Variants in PTPRN2 observed in about 807,000 individuals in gnomAD.
PTPRN2 encodes receptor-type tyrosine-protein phosphatase N2.
A neutral mutation model predicts 118.8 loss-of-function variants in PTPRN2; 74 were observed. The ratio of observed to expected loss-of-function variants is 0.62; its 90% CI spans 0.52 to 0.76. The LOEUF is 0.76. PTPRN2 is among the 30% of genes least tolerant of loss of function. The probability of loss-of-function intolerance (pLI) is 0.00; values close to 1 mark genes in which losing one functional copy is unlikely to be tolerated. For missense variants in PTPRN2, 1,481 were observed against 1,394.4 expected, an observed-to-expected ratio of 1.06 and a Z score of -0.99; for synonymous variants, 641 against 608.0, an observed-to-expected ratio of 1.05 and a Z score of -0.80.
rs759075673 is a variant in PTPRN2 at position 157,785,122 on chromosome 7, C to T, written c.1789-102185G>A. Among the ~76,000 whole-genome samples the T allele has an allele frequency of 1.2e-4, 19 of 152,028 alleles. No homozygotes were observed. Among genetic ancestry groups the T allele is most frequent in the African/African-American group, 3.6e-4 (15 of 41,406 alleles). On this transcript the variant is annotated intron_variant, in intron 12 of 22. Transcript: ENST00000389418. This position sits in a 1 kb window ranked among gnomAD's most constrained non-coding sequence, Gnocchi z 7.3. ...GTGTGTTTCCAGAATGTTGGCACAG[C>T]GGCGAGAAGGCTGACCGAACACCGA...
At chr7:157,737,658 G>A (rs981906731) in intron 12 of PTPRN2, among the ~76,000 whole-genome samples, 7 of 152,350 alleles carry the variant, frequency 4.6e-5, no homozygotes, top group African/African-American at 1.7e-4. Context: ...TACAGGGAGG[G>A]GTTTGCTTTC....
intron 2 of PTPRN2, among the ~76,000 whole-genome samples, chr7:158,457,044 A>T (rs115262413): frequency 0.019 from 2,870 of 151,588 alleles, 84 homozygotes; most frequent in South Asian, 0.068. Context: ...TCCATTAATT[A>T]AAAAAAAAGT....
At chr7:157,542,774 G>A (rs975038878) in intron 22 of PTPRN2, among the ~76,000 whole-genome samples, 4 of 152,226 alleles carry the variant, frequency 2.6e-5, no homozygotes, top group African/African-American at 9.6e-5. Context: ...AAGCTCCACC[G>A]GGCGTGTGGG....
chr7:158,522,767 G>C (rs993933551), intron 1 of PTPRN2, among the ~76,000 whole-genome samples: 4 of 152,190 alleles, frequency 2.6e-5, no homozygotes, highest in Admixed American at 2.6e-4. Context: ...CGTCTCCCCT[G>C]GTTCTCACGT....
chr7:157,682,285 C>A (rs572366223), intron 13 of PTPRN2, among the ~76,000 whole-genome samples: 5 of 152,138 alleles, frequency 3.3e-5, no homozygotes, highest in Admixed American at 3.3e-4. Context: ...GACAACAGCA[C>A]AGGGTGGCAA....
chr7:158,334,652 A>AAGAGGT (rs1805232957), intron 2 of PTPRN2, among the ~76,000 whole-genome samples: 1 of 90,054 alleles, frequency 1.1e-5, no homozygotes, highest in Non-Finnish European at 2.5e-5. Context: ...CTCTCACCAT[A>AAGAGGT]ATTGGTGACA....
intron 2 of PTPRN2, among the ~76,000 whole-genome samples, chr7:158,428,055 C>T (rs192083405): frequency 1.3e-5 from 2 of 152,300 alleles, no homozygotes; most frequent in East Asian, 3.9e-4. Flanking sequence ...CTAACTCCGC[C>T]GAGGACTTAC....
intron 2 of PTPRN2, among the ~76,000 whole-genome samples, chr7:158,441,082 TGGTGGTAGTGATAGG>T (rs1223149220): frequency 1.4e-5 from 2 of 141,904 alleles, no homozygotes; most frequent in Non-Finnish European, 3.0e-5. Flanking sequence ...ATGGTGGTGC[TGGTGGTAGTGATAGG>T]GGTGGTAGTG....
rs1394772360 is a variant in PTPRN2, at chr7:157,583,129, T to G, written c.2497-4989A>C. 2.0e-5 allele frequency among the ~76,000 whole-genome samples: 3 copies of G among 152,042 alleles called. No individual in the cohort carries two copies. The highest frequency in any genetic ancestry group is 4.4e-5 in the Non-Finnish European group (3 of 68,016). ...AATGTGGTATATACACAATGAAATA[T>G]TATTCAGCCTTAAGAAAGAATGAAC... On this transcript the variant is annotated intron_variant, in intron 17 of 22. Coordinates refer to ENST00000389418, the MANE Select transcript of PTPRN2 (RefSeq NM_002847.5). The surrounding 1 kb of genome is among the most constrained non-coding windows in gnomAD (Gnocchi z 5.5).
intron 11 of PTPRN2, among the ~76,000 whole-genome samples, chr7:158,065,695 C>A (rs1810720526): frequency 6.6e-6 from 1 of 152,156 alleles, no homozygotes; most frequent in African/African-American, 2.4e-5. Context: ...ACGCTCAGAA[C>A]TCTTATTCAT....
At chr7:157,970,143 T>C (rs1388169512) in intron 11 of PTPRN2, among the ~76,000 whole-genome samples, 1 of 152,120 alleles carries the variant, frequency 6.6e-6, no homozygotes, top group African/African-American at 2.4e-5. Context: ...CTCTACCAGC[T>C]CAGTTTTGTA....
intron 2 of PTPRN2, among the ~76,000 whole-genome samples, chr7:158,453,144 G>A (rs1452843667): frequency 8.4e-6 from 1 of 118,354 alleles, no homozygotes; most frequent in Non-Finnish European, 1.9e-5. Context: ...CCTGGACATA[G>A]GGGAATTGAA....
intron 3 of PTPRN2, among the ~76,000 whole-genome samples, chr7:158,262,663 T>C (rs978977981): frequency 7.4e-6 from 1 of 135,696 alleles, no homozygotes; most frequent in Admixed American, 7.4e-5. Context: ...ACTGACACAC[T>C]GCACGCACAT....
intron 6 of PTPRN2, among the ~76,000 whole-genome samples, chr7:158,140,663 G>A (rs954443446): frequency 5.3e-5 from 8 of 152,224 alleles, no homozygotes; most frequent in South Asian, 2.1e-4. Flanking sequence ...AACCAGAGCC[G>A]CATCACCTGC....
chr7:157,616,724 A>G (rs534282936), intron 15 of PTPRN2: 3 of 152,290 alleles, frequency 2.0e-5, no homozygotes, highest in Non-Finnish European at 4.4e-5. Context: ...ACCCTGGCTT[A>G]ATCATCAGAG....
chr7:157,758,198 A>T (rs1408479505), intron 12 of PTPRN2, among the ~76,000 whole-genome samples: 1 of 152,210 alleles, frequency 6.6e-6, no homozygotes, highest in Admixed American at 6.5e-5. Context: ...CCGGTGTCGT[A>T]ATTGACTGGA....
At chr7:158,326,958 CACACGCACACATTCACAT>C (rs1803629352) in intron 2 of PTPRN2, among the ~76,000 whole-genome samples, 1 of 151,558 alleles carries the variant, frequency 6.6e-6, no homozygotes, top group Non-Finnish European at 1.5e-5. Context: ...CACACATGCA[CACACGCACACATTCACAT>C]GCACATACAC....
At chr7:157,949,941 A>G (rs1301980732) in intron 11 of PTPRN2, among the ~76,000 whole-genome samples, 1 of 152,192 alleles carries the variant, frequency 6.6e-6, no homozygotes, top group Non-Finnish European at 1.5e-5. Context: ...GCTTGCAACT[A>G]TCTGACTCAT....
At chr7:158,054,719 A>C (rs1385758104) in intron 11 of PTPRN2, among the ~76,000 whole-genome samples, 1 of 152,048 alleles carries the variant, frequency 6.6e-6, no homozygotes, top group Non-Finnish European at 1.5e-5. Context: ...GCCTCCACCT[A>C]CCCCAAACCA....
Sources: allele counts gnomAD v4.1 joint callset (sites outside exome capture counted in the v4.1 genomes callset), GRCh38; gene constraint gnomAD v4.1.1; non-coding constraint Gnocchi (gnomAD v3.1); transcripts MANE v1.5; gene names NCBI Gene and HGNC (gene_info 2026-07-23, HGNC 2026-07-21).